KIF9: variants seen among roughly 807,000 people sequenced by gnomAD.
The protein encoded by KIF9 is kinesin-like protein KIF9.
In KIF9, 68 loss-of-function variants were observed where a neutral mutation model predicts 94.8. The observed-to-expected ratio is 0.72, with a 90% CI of 0.59 to 0.88. KIF9 has a LOEUF of 0.88. Ranked by LOEUF, KIF9 falls within the 40% of genes least tolerant of loss-of-function variation. KIF9 has a pLI of 0.00. For missense variants in KIF9, 882 were observed against 982.5 expected (o/e 0.90, Z 1.37); for synonymous variants, 343 against 362.1 (o/e 0.95, Z 0.60).
chr3:47,280,892 G>A (rs1261645527), intron 1 of KIF9: 1 of 703,002 alleles, frequency 1.4e-6, no homozygotes, highest in Non-Finnish European at 2.6e-6. Flanking sequence ...TTGTGAGCCT[G>A]CTACTCAGCA....
chr3:47,235,700 G>T (rs1020188541), intron 19 of KIF9, 83 bp from the exon 20 acceptor site: 4 of 1,159,508 alleles, frequency 3.4e-6, no homozygotes, highest in Admixed American at 1.8e-5. Context: ...GCAGTCCCTT[G>T]CTGGGTTTGT....
Position 47,271,311 on chromosome 3 carries a change from G to A in KIF9, c.517C>T (p.Gln173Ter). 1.2e-6 allele frequency: 2 copies of A among 1,614,096 alleles called. No individual in the cohort carries two copies. Among genetic ancestry groups the A allele is most frequent in the Non-Finnish European group, 1.7e-6 (2 of 1,179,996 alleles). The change falls in exon 5 of 21, where the codon CAA becomes TAA. Residue 173 changes from glutamine (Q) to a stop codon, truncating the protein, a stop_gained. Coordinates refer to ENST00000684063, the MANE Select transcript of KIF9 (RefSeq NM_182902.4). LOFTEE classifies it high-confidence loss of function. ...GACAAGCCCTTAATGAAGACTCCTT[G>A]AGGGTTTTCCACGATGGTCATTGGT... ...VTPMTIVENPQGVFIKGLSVH... is the reference protein window; with the variant it reads ...VTPMTIVENP
At chr3:47,275,130 T>C (rs1345084865) in intron 3 of KIF9, 195 bp downstream of exon 3, 3 of 548,316 alleles carry the variant, frequency 5.5e-6, no homozygotes, top group Non-Finnish European at 9.4e-6. Context: ...CCTATGAAGG[T>C]AGAATCCCAG....
At chr3:47,265,569 T>G (rs913098019) in intron 8 of KIF9, among the ~76,000 whole-genome samples, 161 bp downstream of exon 8, 1 of 152,204 alleles carries the variant, frequency 6.6e-6, no homozygotes, top group Non-Finnish European at 1.5e-5. Context: ...CAGTGCTTGA[T>G]TCTGCCTTTC....
chr3:47,257,387 G>T, intron 10 of KIF9, 96 bp downstream of exon 10: 1 of 1,080,768 alleles, frequency 9.3e-7, no homozygotes, highest in African/African-American at 1.5e-5. Flanking sequence ...GGGATCTTTG[G>T]TTGAGGCAGG....
At chr3:47,263,761 C>T in intron 9 of KIF9, 3 of 438,870 alleles carry the variant, frequency 6.8e-6, no homozygotes, top group South Asian at 4.9e-5. Context: ...TGGCTTCTCT[C>T]TCTTTCTGGG....
intron 5 of KIF9, among the ~76,000 whole-genome samples, chr3:47,270,861 C>G (rs1355745090): frequency 6.7e-6 from 1 of 149,982 alleles, no homozygotes; most frequent in Non-Finnish European, 1.5e-5. Context: ...AAAAAACTAG[C>G]TGGACACAGT....
At chr3:47,233,936 A>T (rs1284340135) in intron 20 of KIF9, among the ~76,000 whole-genome samples, 2 of 151,850 alleles carry the variant, frequency 1.3e-5, no homozygotes, top group Non-Finnish European at 2.9e-5. Flanking sequence ...CTAAAAATAC[A>T]AAAAATTAGC....
intron 9 of KIF9, chr3:47,264,031 C>G: frequency 1.8e-6 from 1 of 556,010 alleles, no homozygotes; most frequent in Non-Finnish European, 3.4e-6. Context: ...TGGCTCTCAG[C>G]CTCCCTCCTC....
intron 2 of KIF9, among the ~76,000 whole-genome samples, chr3:47,275,892 C>T (rs745308879): frequency 1.3e-5 from 2 of 152,176 alleles, no homozygotes; most frequent in Admixed American, 6.5e-5. Flanking sequence ...TGGGCTCCAG[C>T]CTCATTGCTC....
chr3:47,251,645 T>C (rs756056126), intron 10 of KIF9, among the ~76,000 whole-genome samples: 1 of 152,360 alleles, frequency 6.6e-6, no homozygotes, highest in Non-Finnish European at 1.5e-5. Flanking sequence ...GTAAGTTTCC[T>C]AATAGGCATT....
intron 10 of KIF9, among the ~76,000 whole-genome samples, chr3:47,257,275 T>C (rs1700681909): frequency 6.6e-6 from 1 of 152,226 alleles, no homozygotes; most frequent in Non-Finnish European, 1.5e-5. Context: ...GTTGGTGGCC[T>C]GACCTAGCCC....
At chr3:47,259,436 C>T (rs1700823662) in intron 9 of KIF9, among the ~76,000 whole-genome samples, 1 of 152,226 alleles carries the variant, frequency 6.6e-6, no homozygotes, top group Non-Finnish European at 1.5e-5. Context: ...TCATGTCTAA[C>T]CCTGCATCCA....
Position 47,247,480 on chromosome 3 carries a change from T to G in KIF9, c.1129-3A>C. ...TAGGTCACAAAGGTGCGGTTGGTCT[T>G]GAAGGAGGATGAAGAACATGTGGAT... On this transcript the variant is annotated splice_region_variant and splice_polypyrimidine_tract_variant and intron_variant, in intron 11 of 20. Coordinates refer to ENST00000684063, the MANE Select transcript of KIF9 (RefSeq NM_182902.4). 2 of 1,602,698 alleles carry G rather than the reference T, an allele frequency of 1.2e-6. No individual in the cohort carries two copies. Among genetic ancestry groups the G allele is most frequent in the Non-Finnish European group, 1.7e-6 (2 of 1,169,834 alleles).
chr3:47,267,055 G>A lies in KIF9; in HGVS notation c.689C>T (p.Thr230Ile), dbSNP rs746144739. 6.2e-7 allele frequency: 1 copy of A among 1,613,702 alleles called. No individual in the cohort carries two copies. The highest frequency in any genetic ancestry group is 8.5e-7 in the Non-Finnish European group (1 of 1,179,928). Residue 230 changes from threonine (T) to isoleucine (I), a missense_variant, in exon 7 of 21, where the codon ACC becomes ATC. Thr to Ile is a moderately conservative substitution (Grantham distance 89). Coordinates refer to ENST00000684063, the MANE Select transcript of KIF9 (RefSeq NM_182902.4). ...FTIYLEAHSR[T>I]LSEEKYITSK... The stretch of plus-strand genomic sequence containing the variant: ...AGTGATGTACTTTTCCTCTGATAAG[G>A]TCCGGGAATGGGCCTACAAAACATC...
intron 7 of KIF9, 91 bp downstream of exon 7, chr3:47,266,885 T>G (rs1170027811): frequency 1.1e-6 from 1 of 950,156 alleles, no homozygotes; most frequent in African/African-American, 1.6e-5. Context: ...TTCACAAATA[T>G]CCAATGAGTC....
intron 15 of KIF9, 89 bp downstream of exon 15, chr3:47,244,702 C>T: frequency 6.7e-7 from 1 of 1,498,578 alleles, no homozygotes. Context: ...GCTGAGACAC[C>T]AGGGGGAAAG....
intron 9 of KIF9, among the ~76,000 whole-genome samples, chr3:47,261,486 G>T (rs575690959): frequency 2.0e-5 from 3 of 152,192 alleles, no homozygotes; most frequent in Non-Finnish European, 2.9e-5. Flanking sequence ...GAACAGCCAG[G>T]GGCCTCAGGA....
intron 1 of KIF9, among the ~76,000 whole-genome samples, chr3:47,278,908 G>A (rs1388841615): frequency 6.6e-6 from 1 of 151,988 alleles, no homozygotes; most frequent in African/African-American, 2.4e-5. Context: ...GGACGTGGAG[G>A]GTGCAGTGAG....
Sources: allele counts gnomAD v4.1 joint callset (sites outside exome capture counted in the v4.1 genomes callset), GRCh38; gene constraint gnomAD v4.1.1; transcripts MANE v1.5; gene names NCBI Gene and HGNC (gene_info 2026-07-23, HGNC 2026-07-21).